DFFB: variants seen among roughly 807,000 people sequenced by gnomAD.
DFFB encodes DNA fragmentation factor subunit beta.
DFFB carries 29 observed loss-of-function variants against 32.7 expected under a neutral mutation model. That is an observed-to-expected ratio of 0.89 (90% CI 0.66 to 1.21). The LOEUF is 1.21. Ranked by LOEUF, DFFB falls within the 50% of genes most tolerant of loss-of-function variation. The probability of loss-of-function intolerance (pLI) is 0.00; values close to 1 mark genes in which losing one functional copy is unlikely to be tolerated. For synonymous variants in DFFB, 170 were observed against 177.1 expected (o/e 0.96, Z 0.32); for missense variants, 398 against 440.6 (o/e 0.90, Z 0.87).
In DFFB at chr1:3,865,307, G is replaced by A. The variant is rs767635349; in HGVS notation, c.242-505G>A. Among the ~76,000 whole-genome samples the A allele has an allele frequency of 2.6e-5, 4 of 152,278 alleles. No homozygotes were observed. The highest frequency in any genetic ancestry group is 4.4e-5 in the Non-Finnish European group (3 of 68,022). On this transcript the variant is annotated intron_variant, in intron 2 of 6. Transcript: ENST00000378209. This position sits in a 1 kb window ranked among gnomAD's most constrained non-coding sequence, Gnocchi z 4.7. ...ACCAGCCTTGCGTTCCCACTTGGCC[G>A]TGGTGATATTTCTTTGTGCATGTTA... is the stretch of plus-strand genomic sequence containing the variant.
Position 3,884,468 on chromosome 1 carries a change from G to C in DFFB, c.*727G>C, listed in dbSNP as rs1638302567. The C allele has an allele frequency of 6.6e-6, 1 of 152,298 alleles. No individual in the cohort carries two copies. The highest frequency in any genetic ancestry group is 6.5e-5 in the Admixed American group (1 of 15,272). 9.4% of individuals were successfully genotyped at this position (152,298 alleles called of 1,614,324 possible). ...TCTCCCTTTCCATGGCAAATGGGCA[G>C]CTCCATCCTCTTGACTCTTCTAAAT... On this transcript the variant is annotated 3_prime_UTR_variant, in exon 7 of 7. Coordinates refer to ENST00000378209, the MANE Select transcript of DFFB (RefSeq NM_004402.4).
intron 1 of DFFB, 32 bp from the exon 2 acceptor site, chr1:3,858,686 T>G (rs746087211): frequency 1.7e-5 from 28 of 1,609,670 alleles, no homozygotes; most frequent in Non-Finnish European, 2.4e-5. Flanking sequence ...TTGAGACCCT[T>G]CCTCCTCCTG....
chr1:3,872,282 G>A (rs562896055), intron 5 of DFFB, among the ~76,000 whole-genome samples, 190 bp from the exon 6 acceptor site: 83 of 152,186 alleles, frequency 5.5e-4, no homozygotes, highest in African/African-American at 1.9e-3. Flanking sequence ...GCCTGATGGC[G>A]GGCACCTGTA....
chr1:3,857,598 T>G lies in DFFB; in HGVS notation c.-6T>G. 6.3e-7 allele frequency: 1 copy of G among 1,577,158 alleles called. No individual in the cohort carries two copies. The highest frequency in any genetic ancestry group is 8.6e-7 in the Non-Finnish European group (1 of 1,162,354). The stretch of plus-strand genomic sequence containing the variant: ...GTGGGACCCAGAGGGCTTGAGGACA[T>G]CTGCAATGCTCCAGAAGCCCAAGAG... On this transcript the variant is annotated 5_prime_UTR_variant, in exon 1 of 7. Coordinates refer to ENST00000378209, the MANE Select transcript of DFFB (RefSeq NM_004402.4).
At chr1:3,861,013 G>C (rs1644869066) in intron 2 of DFFB, among the ~76,000 whole-genome samples, 1 of 152,050 alleles carries the variant, frequency 6.6e-6, no homozygotes, top group Non-Finnish European at 1.5e-5. Flanking sequence ...AAATTAGCTG[G>C]GCATGGTGGC....
At position 3,883,611 on chromosome 1, in the gene DFFB, C is replaced by T. The variant is rs1448527552; in HGVS notation, c.887C>T (p.Ser296Leu). Residue 296 changes from serine to leucine, a missense_variant, in exon 7 of 7, where the codon TCA (serine) becomes TTA (leucine). Ser to Leu is a moderately radical substitution (Grantham distance 145, BLOSUM62 -2). Coordinates refer to ENST00000378209, the MANE Select transcript of DFFB (RefSeq NM_004402.4). ...WEYFYGLLFT[S>L]ENLKLVHIVC... ...TATTTTTATGGCCTGCTTTTTACCT[C>T]AGAGAACCTAAAACTAGTGCACATT... 5.0e-6 allele frequency: 8 copies of T among 1,614,174 alleles called. No individual in the cohort carries two copies. Among genetic ancestry groups the T allele is most frequent in the Non-Finnish European group, 6.8e-6 (8 of 1,180,044 alleles).
At chr1:3,877,446 C>T (rs935510593) in intron 6 of DFFB, among the ~76,000 whole-genome samples, 3 of 150,480 alleles carry the variant, frequency 2.0e-5, no homozygotes, top group Admixed American at 2.0e-4. Flanking sequence ...TTTCATGCCT[C>T]AGCCTCCCAA....
At chr1:3,870,814 G>A (rs1190054467) in intron 5 of DFFB, among the ~76,000 whole-genome samples, 3 of 151,842 alleles carry the variant, frequency 2.0e-5, no homozygotes, top group East Asian at 2.0e-4. Context: ...CAGGTGCTCC[G>A]GGCATGGCAG....
chr1:3,868,148 T>A, intron 4 of DFFB, 95 bp downstream of exon 4: 1 of 1,111,870 alleles, frequency 9.0e-7, no homozygotes, highest in Non-Finnish European at 1.4e-6. Flanking sequence ...GGGTAGTTGG[T>A]AGGACCACAC....
chr1:3,860,483 T>G, intron 2 of DFFB: 1 of 424,232 alleles, frequency 2.4e-6, no homozygotes, highest in Non-Finnish European at 4.8e-6. Flanking sequence ...CCTGCCTTGG[T>G]CTCCTAAAGT....
At chr1:3,860,675 T>C (rs1644863888) in intron 2 of DFFB, among the ~76,000 whole-genome samples, 1 of 152,118 alleles carries the variant, frequency 6.6e-6, no homozygotes, top group South Asian at 2.1e-4. Flanking sequence ...TAGTGCAATG[T>C]GCATGTTGTT....
In DFFB at chr1:3,865,092, AAG is replaced by A. The variant is rs1644950480; in HGVS notation, c.242-717_242-716del. Among the ~76,000 whole-genome samples the A allele has an allele frequency of 6.6e-6, 1 of 151,534 alleles. No homozygotes were observed. Among genetic ancestry groups the A allele is most frequent in the African/African-American group, 2.4e-5 (1 of 41,216 alleles). On this transcript the variant is annotated intron_variant, in intron 2 of 6. Coordinates refer to ENST00000378209, the MANE Select transcript of DFFB (RefSeq NM_004402.4). The surrounding 1 kb of genome is among the most constrained non-coding windows in gnomAD (Gnocchi z 4.7). ...AAGAGCATTTTTTTTTTTGCGGAGT[AAG>A]AGTTTTTAGTTTTGAGGAAGCTCAG...
intron 6 of DFFB, among the ~76,000 whole-genome samples, chr1:3,874,893 C>A (rs1008869214): frequency 1.2e-4 from 18 of 151,604 alleles, no homozygotes; most frequent in African/African-American, 4.4e-4. Context: ...ATGCTGTGGT[C>A]TGCAGAGCCG....
Position 3,883,786 on chromosome 1 carries a change from G to T in DFFB, c.*45G>T. ...GGTCTTTGTTTGAGGCCTGACGTGG[G>T]CATCATTTTAACAGGTGCCTTTTTT... On this transcript the variant is annotated 3_prime_UTR_variant, in exon 7 of 7. Coordinates refer to ENST00000378209, the MANE Select transcript of DFFB (RefSeq NM_004402.4). 1.9e-6 allele frequency: 3 copies of T among 1,554,360 alleles called. No individual in the cohort carries two copies. Among genetic ancestry groups the T allele is most frequent in the Non-Finnish European group, 2.6e-6 (3 of 1,133,612 alleles).
chr1:3,877,817 C>A (rs914445192), intron 6 of DFFB, among the ~76,000 whole-genome samples: 1 of 152,152 alleles, frequency 6.6e-6, no homozygotes, highest in Admixed American at 6.5e-5. Context: ...TAACACTCAG[C>A]ACCTCAGTTC....
intron 5 of DFFB, among the ~76,000 whole-genome samples, chr1:3,871,232 C>G (rs1239513114): frequency 1.3e-5 from 2 of 152,152 alleles, no homozygotes; most frequent in Non-Finnish European, 2.9e-5. Context: ...GAACTCAGAA[C>G]ATATTGTTAG....
chr1:3,869,814 G>T (rs530739719), intron 5 of DFFB, 39 bp downstream of exon 5: 4 of 1,552,054 alleles, frequency 2.6e-6, no homozygotes, highest in East Asian at 2.3e-5. Flanking sequence ...CACCCGGCTG[G>T]CCTGTGGAAC....
rs781186974 is a variant in DFFB, at chr1:3,858,719, T to G, written c.116T>G (p.Leu39Arg). ...CTGTTGCTTCTCCCGTCCCTGCAGCTCCCTGAGCGCGGTTCCCGGCTGTGC... is the reference window on the plus strand; with the variant it reads ...CTGTTGCTTCTCCCGTCCCTGCAGCGCCCTGAGCGCGGTTCCCGGCTGTGC... The part of the protein sequence containing the change: ...VLRKGCLRFQ[L>R]PERGSRLCLY... Residue 39 changes from leucine to arginine, a missense_variant and splice_region_variant, in exon 2 of 7, where the codon CTC becomes CGC. By Grantham distance (102) the Leu-to-Arg change is moderately radical (BLOSUM62 -2). Coordinates refer to ENST00000378209, the MANE Select transcript of DFFB (RefSeq NM_004402.4). The G allele has an allele frequency of 1.9e-6, 3 of 1,613,778 alleles. No individual in the cohort carries two copies. The highest frequency in any genetic ancestry group is 2.5e-6 in the Non-Finnish European group (3 of 1,179,958).
At chr1:3,866,261 T>C (rs1389354447) in intron 3 of DFFB, 2 of 549,854 alleles carry the variant, frequency 3.6e-6, no homozygotes, top group Non-Finnish European at 6.9e-6. Flanking sequence ...TGTTTTGAGA[T>C]GGAGTCTTGC....
Sources: allele counts gnomAD v4.1 joint callset (sites outside exome capture counted in the v4.1 genomes callset), GRCh38; gene constraint gnomAD v4.1.1; non-coding constraint Gnocchi (gnomAD v3.1); transcripts MANE v1.5; gene names NCBI Gene and HGNC (gene_info 2026-07-23, HGNC 2026-07-21).